Variants in VAV3 observed in about 807,000 individuals in gnomAD.
The protein encoded by VAV3 is vav guanine nucleotide exchange factor 3.
In VAV3, 94 loss-of-function variants were observed where a neutral mutation model predicts 131.2. The observed-to-expected ratio is 0.72, with a 90% CI of 0.61 to 0.85. The LOEUF is 0.85. Among genes scored for constraint, VAV3 ranks in the 40% least tolerant of loss-of-function variants. The pLI, the probability that VAV3 is intolerant of heterozygous loss-of-function variation, is 0.00. For synonymous variants in VAV3, 349 were observed against 342.0 expected, an observed-to-expected ratio of 1.02 and a Z score of -0.22; for missense variants, 939 against 1,002.7, an observed-to-expected ratio of 0.94 and a Z score of 0.86.
chr1:107,724,678 G>C (rs1047486082), intron 15 of VAV3, among the ~76,000 whole-genome samples: 1 of 152,144 alleles, frequency 6.6e-6, no homozygotes, highest in African/African-American at 2.4e-5. Context: ...AGTCTTAAAA[G>C]ATAAATAGAT....
At chr1:107,735,779 A>G (rs986840816) in intron 15 of VAV3, among the ~76,000 whole-genome samples, 4 of 152,094 alleles carry the variant, frequency 2.6e-5, no homozygotes, top group African/African-American at 9.7e-5. Flanking sequence ...ACCAGATACA[A>G]AAAGGAGGTG....
At chr1:107,617,073 A>T (rs1298970451) in intron 21 of VAV3, among the ~76,000 whole-genome samples, 4 of 152,208 alleles carry the variant, frequency 2.6e-5, no homozygotes, top group African/African-American at 9.7e-5. Context: ...TTATATTTTC[A>T]GAAAATTCCA....
At chr1:107,649,989 T>G (rs1251683908) in intron 19 of VAV3, among the ~76,000 whole-genome samples, 3 of 151,914 alleles carry the variant, frequency 2.0e-5, no homozygotes, top group African/African-American at 7.3e-5. Flanking sequence ...CAGGGGTGTG[T>G]GTGGAGTGGG....
chr1:107,952,468 T>TTTATATATATATATATACATATATATA (rs1553235441), intron 1 of VAV3, among the ~76,000 whole-genome samples: 3 of 119,026 alleles, frequency 2.5e-5, no homozygotes, highest in African/African-American at 7.1e-5. Context: ...TAACAAAACT[T>TTTATATATATATATATACATATATATA]TATATATATA....
In VAV3 at chr1:107,632,668, T is replaced by C. The variant is rs896509591; in HGVS notation, c.1914+9951A>G. Among the ~76,000 whole-genome samples, 5 of 152,226 alleles carry C rather than the reference T, an allele frequency of 3.3e-5. No individual in the cohort carries two copies. In the East Asian group the frequency reaches 9.6e-4, roughly 29 times the overall value. On this transcript the variant is annotated intron_variant, in intron 20 of 26. Coordinates refer to ENST00000370056, the MANE Select transcript of VAV3 (RefSeq NM_006113.5). ...TACTGGCTGCTGGCAAGCAAAATGA[T>C]TCTTCTAAAGACAGGAGACCTAATG...
intron 2 of VAV3, among the ~76,000 whole-genome samples, chr1:107,821,056 A>T (rs759180152): frequency 6.6e-6 from 1 of 152,198 alleles, no homozygotes; most frequent in Non-Finnish European, 1.5e-5. Context: ...ATACAATATA[A>T]AAAAGCAAGC....
chr1:107,648,468 T>C (rs1655905122), intron 19 of VAV3, among the ~76,000 whole-genome samples: 1 of 152,094 alleles, frequency 6.6e-6, no homozygotes, highest in Admixed American at 6.6e-5. Flanking sequence ...ACATGTACAT[T>C]TTATTGGAAA....
At chr1:107,608,781 A>G (rs1033200279) in intron 22 of VAV3, among the ~76,000 whole-genome samples, 1 of 152,206 alleles carries the variant, frequency 6.6e-6, no homozygotes, top group Non-Finnish European at 1.5e-5. Context: ...TAATCAGAAC[A>G]TGTAAAAAAT....
rs1174507870 is a variant in VAV3 at position 107,733,095 on chromosome 1, G to GCCTCTGCTGGTGATACCAA, written c.1502+15872_1502+15873insTTGGTATCACCAGCAGAGG. On this transcript the variant is annotated intron_variant, in intron 15 of 26. Coordinates refer to ENST00000370056, the MANE Select transcript of VAV3 (RefSeq NM_006113.5). ...TCTGCTGGTGATACCAAGGAAAACA[G>GCCTCTGCTGGTGATACCAA]GGTCTGGAGTGGACCTCCAGCAAAC... Among the ~76,000 whole-genome samples, 3 of 152,300 alleles carry GCCTCTGCTGGTGATACCAA rather than the reference G, an allele frequency of 2.0e-5. No individual in the cohort carries two copies. The East Asian group carries it at 5.8e-4, about 29-fold the overall frequency.
chr1:107,846,851 T>C (rs1029303621), intron 2 of VAV3, among the ~76,000 whole-genome samples: 2 of 152,090 alleles, frequency 1.3e-5, no homozygotes, highest in African/African-American at 4.8e-5. Flanking sequence ...CTGTCAATAT[T>C]AGACAGATCA....
chr1:107,712,941 G>T (rs74682295), intron 15 of VAV3, among the ~76,000 whole-genome samples: 2,390 of 152,238 alleles, frequency 0.016, 68 homozygotes, highest in African/African-American at 0.055. Flanking sequence ...GAAAGCAAGA[G>T]GAAGAATTTC....
At chr1:107,946,555 G>A (rs1226759875) in intron 1 of VAV3, among the ~76,000 whole-genome samples, 1 of 152,102 alleles carries the variant, frequency 6.6e-6, no homozygotes, top group Non-Finnish European at 1.5e-5. Context: ...TTTCGCATTG[G>A]AAAACAAAGC....
intron 2 of VAV3, among the ~76,000 whole-genome samples, chr1:107,842,949 G>A (rs887687649): frequency 6.6e-6 from 1 of 152,006 alleles, no homozygotes; most frequent in African/African-American, 2.4e-5. Flanking sequence ...CCTATCATGA[G>A]GAACTTTATC....
In VAV3 at chr1:107,779,497, G is replaced by A; in HGVS notation, c.322-5C>T. 1 of 1,570,508 alleles carries A rather than the reference G, an allele frequency of 6.4e-7. No homozygotes were observed. The highest frequency in any genetic ancestry group is 8.6e-7 in the Non-Finnish European group (1 of 1,158,672). ...TCGTGATAATGTTTCTATAACCTGA[G>A]AAAAGAGGAAAATACTAATTAGATA... On this transcript the variant is annotated splice_polypyrimidine_tract_variant and splice_region_variant and intron_variant, in intron 2 of 26. Transcript: ENST00000370056.
At chr1:107,838,542 A>G in intron 2 of VAV3, among the ~76,000 whole-genome samples, 1 of 152,180 alleles carries the variant, frequency 6.6e-6, no homozygotes, top group East Asian at 1.9e-4. Flanking sequence ...CAGTTTGGAG[A>G]TTTCTCAAAG....
At chr1:107,664,920 T>C (rs549382909) in intron 19 of VAV3, among the ~76,000 whole-genome samples, 1 of 152,322 alleles carries the variant, frequency 6.6e-6, no homozygotes, top group South Asian at 2.1e-4. Flanking sequence ...ACCCAAGGTA[T>C]AGTGGCAAGA....
chr1:107,748,820 G>T, intron 15 of VAV3, 148 bp downstream of exon 15: 1 of 593,780 alleles, frequency 1.7e-6, no homozygotes, highest in Non-Finnish European at 2.8e-6. Context: ...CAGCAGCCTA[G>T]TAGCACTCCT....
At chr1:107,698,642 T>C (rs1382393957) in intron 17 of VAV3, among the ~76,000 whole-genome samples, 1 of 152,124 alleles carries the variant, frequency 6.6e-6, no homozygotes, top group African/African-American at 2.4e-5. Flanking sequence ...AATCTAAGTG[T>C]TATTATTGGC....
chr1:107,824,514 G>A (rs946907446), intron 2 of VAV3, among the ~76,000 whole-genome samples: 6 of 152,024 alleles, frequency 3.9e-5, no homozygotes, highest in African/African-American at 1.2e-4. Context: ...AGATAAATAC[G>A]GCCAGCCTTC....
Sources: gnomAD v4.1 joint callset for allele counts (sites outside exome capture counted in the v4.1 genomes callset) on GRCh38, gnomAD v4.1.1 for gene constraint, MANE v1.5 for transcripts, NCBI Gene and HGNC (gene_info 2026-07-23, HGNC 2026-07-21) for gene names.